The following DNM3 variants were observed in gnomAD, a reference collection of about 807,000 sequenced individuals.
DNM3 encodes dynamin 3, also known as dynamin-3.
Under a neutral mutation model 101.6 loss-of-function variants are expected in DNM3, and 47 were observed. That is an observed-to-expected ratio of 0.46 (90% confidence interval 0.37 to 0.59). The LOEUF is 0.59. Among genes scored for constraint, DNM3 ranks in the 20% least tolerant of loss-of-function variants. The pLI, the probability that DNM3 is intolerant of heterozygous loss-of-function variation, is 0.00. For missense variants in DNM3, 849 were observed against 1,085.7 expected (o/e 0.78, Z 3.06); for synonymous variants, 385 against 387.9 (o/e 0.99, Z 0.09).
intron 11 of DNM3, among the ~76,000 whole-genome samples, 168 bp from the exon 12 acceptor site, chr1:172,081,664 G>A (rs905042871): frequency 2.0e-5 from 3 of 152,180 alleles, no homozygotes; most frequent in African/African-American, 7.2e-5. Context: ...TGAATTTAGA[G>A]TGCAAAATTA....
chr1:172,086,696 A>G (rs1294385266), intron 12 of DNM3, among the ~76,000 whole-genome samples: 1 of 152,192 alleles, frequency 6.6e-6, no homozygotes, highest in Admixed American at 6.5e-5. Context: ...CTTTATTGAC[A>G]GCTTAGTGGT....
chr1:172,241,239 A>ATGTGTGTGTGTGTG lies in DNM3; in HGVS notation c.1660-12321_1660-12308dup, dbSNP rs1262155821. ...ATCATATATATGTATATATACATAG[A>ATGTGTGTGTGTGTG]TGTGTGTGTGTGTGTGTGTGTGTGT... is the stretch of plus-strand genomic sequence containing the variant. On this transcript the variant is annotated intron_variant, in intron 14 of 20. Transcript: ENST00000627582. Among the ~76,000 whole-genome samples the ATGTGTGTGTGTGTG allele has an allele frequency of 3.4e-3, 499 of 148,448 alleles. 1 individual carries two copies. Among genetic ancestry groups the ATGTGTGTGTGTGTG allele is most frequent in the African/African-American group, 0.012 (471 of 40,224 alleles).
chr1:172,252,538 A>G (rs918069657), intron 14 of DNM3, among the ~76,000 whole-genome samples: 2 of 152,124 alleles, frequency 1.3e-5, no homozygotes, highest in Non-Finnish European at 2.9e-5. Flanking sequence ...CTAAGTCTCC[A>G]TTCTCTCCAG....
At chr1:171,907,524 T>C (rs916547517) in intron 1 of DNM3, among the ~76,000 whole-genome samples, 13 of 151,328 alleles carry the variant, frequency 8.6e-5, no homozygotes, top group Admixed American at 7.2e-4. Flanking sequence ...AGTCAGGTCA[T>C]GTTACTCCTC....
rs2049206092 is a variant in DNM3, at chr1:172,039,445, A to T, written c.992+984A>T. On this transcript the variant is annotated intron_variant, in intron 7 of 20. Transcript: ENST00000627582. Reference sequence around the variant, plus strand: ...CCTATATTTCCTCATTAAAAATATTATACAAAGGAAAGAGTTTTTTTTTTT... The same window carrying T: ...CCTATATTTCCTCATTAAAAATATTTTACAAAGGAAAGAGTTTTTTTTTTT... Among the ~76,000 whole-genome samples, 3 of 151,894 alleles carry T rather than the reference A, an allele frequency of 2.0e-5. No homozygotes were observed. The South Asian group carries it at 6.2e-4, about 31-fold the overall frequency.
chr1:172,227,289 T>TCAC (rs1490930610), intron 14 of DNM3, among the ~76,000 whole-genome samples: 1 of 140,396 alleles, frequency 7.1e-6, no homozygotes, highest in Non-Finnish European at 1.5e-5. Flanking sequence ...TATATATATA[T>TCAC]ATATATATAT....
At chr1:172,405,290 C>T (rs1211090605) in intron 20 of DNM3, among the ~76,000 whole-genome samples, 2 of 151,918 alleles carry the variant, frequency 1.3e-5, no homozygotes, top group Admixed American at 1.3e-4. Flanking sequence ...TTTCTTTTCT[C>T]AAGGAATTTT....
At chr1:172,208,847 G>T (rs1210302300) in intron 14 of DNM3, among the ~76,000 whole-genome samples, 3 of 152,086 alleles carry the variant, frequency 2.0e-5, no homozygotes, top group Non-Finnish European at 4.4e-5. Context: ...GCACGTTTGT[G>T]CATGATCAAC....
At chr1:172,223,735 C>T (rs1160020316) in intron 14 of DNM3, among the ~76,000 whole-genome samples, 1 of 152,292 alleles carries the variant, frequency 6.6e-6, no homozygotes, top group Admixed American at 6.5e-5. Context: ...TCTCCAACCA[C>T]CTTAGTCCAA....
intron 4 of DNM3, among the ~76,000 whole-genome samples, chr1:172,007,259 G>A (rs575438535): frequency 1.3e-5 from 2 of 152,218 alleles, no homozygotes; most frequent in East Asian, 3.9e-4. Context: ...ATTCCCAAGA[G>A]CAATATGAGT....
rs2071073509 is a variant in DNM3, at chr1:172,409,095, C to T, written c.*1254C>T. On this transcript the variant is annotated 3_prime_UTR_variant, in exon 21 of 21. Coordinates refer to ENST00000627582, the MANE Select transcript of DNM3 (RefSeq NM_015569.5). ...TTAGCCTGGGGGTTAATAGTTAAGT[C>T]TTGAGGCTAAGTTTTGGACTACCAA... is the stretch of plus-strand genomic sequence containing the variant. 1 of 985,184 alleles carries T rather than the reference C, an allele frequency of 1.0e-6. No individual in the cohort carries two copies. The highest frequency in any genetic ancestry group is 6.2e-5 in the Admixed American group (1 of 16,246). The allele number at this position is 985,184 out of a possible 1,614,324, so 61.0% of individuals were successfully genotyped here.
downstream of DNM3, among the ~76,000 whole-genome samples, chr1:172,413,553 A>T (rs1558113666): frequency 6.6e-6 from 1 of 152,214 alleles, no homozygotes. Context: ...AAGAGAATGT[A>T]TTCAGAAAAT....
chr1:172,387,393 C>T (rs1261322734), intron 19 of DNM3, 34 bp downstream of exon 19: 5 of 1,559,158 alleles, frequency 3.2e-6, no homozygotes, highest in Middle Eastern at 2.2e-4. Flanking sequence ...TGCGGTGGCT[C>T]GCTCCTGTAA....
chr1:172,263,939 T>A (rs2062762906), intron 15 of DNM3, among the ~76,000 whole-genome samples: 1 of 152,202 alleles, frequency 6.6e-6, no homozygotes, highest in Admixed American at 6.5e-5. Context: ...GAAGTTTAGT[T>A]GTGAGATTAT....
intron 4 of DNM3, among the ~76,000 whole-genome samples, chr1:171,993,973 T>G (rs1204257925): frequency 2.6e-5 from 4 of 152,122 alleles, no homozygotes; most frequent in Admixed American, 2.6e-4. Context: ...ACTGATATTC[T>G]GTATTTGGTG....
rs574117930 is a variant in DNM3, at chr1:172,251,942, A to G, written c.1660-1631A>G. On this transcript the variant is annotated intron_variant, in intron 14 of 20. Coordinates refer to ENST00000627582, the MANE Select transcript of DNM3 (RefSeq NM_015569.5). The stretch of plus-strand genomic sequence containing the variant: ...TAGAATTCTGTCCTAAAATAGTTTG[A>G]CAACTGTTTTGAGAAAGCTGGACTC... Among the ~76,000 whole-genome samples the G allele has an allele frequency of 2.6e-5, 4 of 152,280 alleles. No individual in the cohort carries two copies. In the East Asian group the frequency reaches 5.8e-4, roughly 22 times the overall value.
intron 4 of DNM3, among the ~76,000 whole-genome samples, chr1:171,997,602 ACAGT>A (rs1207403167): frequency 6.6e-6 from 1 of 152,168 alleles, no homozygotes; most frequent in African/African-American, 2.4e-5. Context: ...TCAGCTATTT[ACAGT>A]CGTGCTCATA....
Position 172,407,841 on chromosome 1 carries a change from AACGAAGTGTCTGGCATGGC to A in DNM3, c.*2_*20del. On this transcript the variant is annotated 3_prime_UTR_variant, in exon 21 of 21. Transcript: ENST00000627582. ...CACTAGAATCCTCCCTGTTAGACTAAACGAAGTGTCTGGCATGGCAATTAATCACTAATGAATTATGCGA... is the reference window on the plus strand; with the variant it reads ...CACTAGAATCCTCCCTGTTAGACTAAAATTAATCACTAATGAATTATGCGA... 1 of 1,613,122 alleles carries A rather than the reference AACGAAGTGTCTGGCATGGC, an allele frequency of 6.2e-7. No individual in the cohort carries two copies. The highest frequency in any genetic ancestry group is 8.5e-7 in the Non-Finnish European group (1 of 1,179,242).
chr1:172,224,083 A>G (rs957037315), intron 14 of DNM3, among the ~76,000 whole-genome samples: 2 of 152,074 alleles, frequency 1.3e-5, no homozygotes, highest in African/African-American at 2.4e-5. Flanking sequence ...CCCTATACCT[A>G]TGCCTACCCC....
Sources: gnomAD v4.1 joint callset for allele counts (sites outside exome capture counted in the v4.1 genomes callset) on GRCh38, gnomAD v4.1.1 for gene constraint, MANE v1.5 for transcripts, NCBI Gene and HGNC (gene_info 2026-07-23, HGNC 2026-07-21) for gene names.